Variants in AGTPBP1 observed in about 807,000 individuals in gnomAD.
AGTPBP1 encodes the protein cytosolic carboxypeptidase 1.
Under a neutral mutation model 143.9 loss-of-function variants are expected in AGTPBP1, and 70 were observed. That is an observed-to-expected ratio of 0.49 (90% CI 0.40 to 0.59). The LOEUF is 0.59. Ranked by LOEUF, AGTPBP1 falls within the 20% of genes least tolerant of loss-of-function variation. The pLI, the probability that AGTPBP1 is intolerant of heterozygous loss-of-function variation, is 0.00. For missense variants in AGTPBP1, 1,229 were observed against 1,464.5 expected (o/e 0.84, Z 2.62); for synonymous variants, 463 against 500.2 (o/e 0.93, Z 0.99).
intron 11 of AGTPBP1, among the ~76,000 whole-genome samples, chr9:85,646,700 T>A (rs1012449283): frequency 6.6e-6 from 1 of 152,214 alleles, no homozygotes; most frequent in Non-Finnish European, 1.5e-5. Flanking sequence ...GAATGAAACA[T>A]CCTGTTTTCT....
In AGTPBP1 at chr9:85,678,427, C is replaced by T. The variant is rs548481468; in HGVS notation, c.226-29G>A. ...AAATAAATAGTTTGTTTTATTAAAA[C>T]ATTGTAAACTTTTGATTCCCAGACT... On this transcript the variant is annotated intron_variant, in intron 4 of 25. Transcript: ENST00000357081. 1.7e-5 allele frequency: 25 copies of T among 1,451,080 alleles called. No homozygotes were observed. In the East Asian group the frequency reaches 5.9e-4, roughly 34 times the overall value. 89.9% of individuals were successfully genotyped at this position (1,451,080 alleles called of 1,614,324 possible).
chr9:85,589,285 G>C (rs550321859), intron 20 of AGTPBP1, among the ~76,000 whole-genome samples: 2 of 151,368 alleles, frequency 1.3e-5, no homozygotes, highest in African/African-American at 4.8e-5. Flanking sequence ...CTAAGGATAA[G>C]AACTAAACGA....
intron 22 of AGTPBP1, among the ~76,000 whole-genome samples, chr9:85,586,536 A>C (rs1828621701): frequency 6.6e-6 from 1 of 152,220 alleles, no homozygotes; most frequent in Non-Finnish European, 1.5e-5. Flanking sequence ...AGCTGACTAG[A>C]GAACTCAGAA....
the AGTPBP1 span, chr9:85,753,271 A>C: frequency 6.2e-7 from 1 of 1,611,640 alleles, no homozygotes; most frequent in Admixed American, 1.7e-5. Context: ...TCAGGTGTAA[A>C]AGCAATAAGG....
chr9:85,580,310 A>T (rs1828175870), intron 23 of AGTPBP1, among the ~76,000 whole-genome samples: 1 of 151,492 alleles, frequency 6.6e-6, no homozygotes, highest in Non-Finnish European at 1.5e-5. Context: ...GATGTGTAGT[A>T]ATTTGAAATT....
chr9:85,593,648 A>T (rs529919313), intron 18 of AGTPBP1, among the ~76,000 whole-genome samples: 1 of 152,332 alleles, frequency 6.6e-6, no homozygotes, highest in Non-Finnish European at 1.5e-5. Flanking sequence ...ACGGTATCCG[A>T]AAATGGACTT....
At chr9:85,623,509 C>G (rs550705504) in intron 14 of AGTPBP1, among the ~76,000 whole-genome samples, 1 of 152,026 alleles carries the variant, frequency 6.6e-6, no homozygotes. Flanking sequence ...AATCTCAGCA[C>G]TCTGGGAGGC....
chr9:85,577,273 T>C (rs866229605), intron 24 of AGTPBP1, among the ~76,000 whole-genome samples: 10 of 152,220 alleles, frequency 6.6e-5, no homozygotes, highest in Admixed American at 2.0e-4. Context: ...AGTGATGCTT[T>C]AAGTCACCTT....
chr9:85,726,584 C>T (rs1189333898), intron 1 of AGTPBP1, among the ~76,000 whole-genome samples: 1 of 152,194 alleles, frequency 6.6e-6, no homozygotes, highest in East Asian at 1.9e-4. Context: ...ACAAGTCCCT[C>T]TTTACAATGC....
At chr9:85,567,930 A>AT (rs1827212902) in intron 25 of AGTPBP1, among the ~76,000 whole-genome samples, 1 of 152,226 alleles carries the variant, frequency 6.6e-6, no homozygotes, top group African/African-American at 2.4e-5. Context: ...AAAAGTACCT[A>AT]TTAAGTGTCA....
intron 3 of AGTPBP1, among the ~76,000 whole-genome samples, chr9:85,681,568 G>A (rs557291619): frequency 5.9e-5 from 9 of 152,132 alleles, no homozygotes; most frequent in Non-Finnish European, 8.8e-5. Flanking sequence ...CATGAATTAG[G>A]TGATTCCTAT....
intron 23 of AGTPBP1, 105 bp downstream of exon 23, chr9:85,585,358 C>G: frequency 8.5e-7 from 1 of 1,172,474 alleles, no homozygotes; most frequent in Non-Finnish European, 1.1e-6. Flanking sequence ...ACAAAAATGG[C>G]AAAATGTCAA....
At chr9:85,801,876 C>T in the AGTPBP1 span, among the ~76,000 whole-genome samples, 351 of 152,336 alleles carry the variant, frequency 2.3e-3, 1 homozygote, top group African/African-American at 7.9e-3. Context: ...TCCAAAACTA[C>T]TCACTACTAC....
chr9:85,740,127 G>A (rs1824147395), intron 1 of AGTPBP1, among the ~76,000 whole-genome samples: 2 of 152,164 alleles, frequency 1.3e-5, no homozygotes, highest in Admixed American at 6.5e-5. Flanking sequence ...CTAAAGAGAA[G>A]AATGCCTCAA....
chr9:85,632,632 T>C (rs774730963), intron 14 of AGTPBP1, 30 bp downstream of exon 14: 17 of 1,530,222 alleles, frequency 1.1e-5, no homozygotes, highest in Admixed American at 4.1e-5. Flanking sequence ...AATAGCCTTA[T>C]TTAGAAGAGG....
chr9:85,629,612 T>C (rs1045825091), intron 14 of AGTPBP1, among the ~76,000 whole-genome samples: 1 of 152,228 alleles, frequency 6.6e-6, no homozygotes, highest in Non-Finnish European at 1.5e-5. Context: ...TCAATCTGCA[T>C]ACAGACATTC....
intron 1 of AGTPBP1, among the ~76,000 whole-genome samples, chr9:85,723,814 T>C (rs1838289271): frequency 6.6e-6 from 1 of 152,172 alleles, no homozygotes; most frequent in African/African-American, 2.4e-5. Flanking sequence ...TTGGTCATCT[T>C]GGAAGCCTCC....
At chr9:85,621,175 T>C (rs1830910633) in intron 15 of AGTPBP1, 27 bp downstream of exon 15, 1 of 1,300,868 alleles carries the variant, frequency 7.7e-7, no homozygotes, top group Non-Finnish European at 1.0e-6. Flanking sequence ...TTAAAACTAA[T>C]AAAAGTTCAT....
At chr9:85,761,820 C>T in the AGTPBP1 span, among the ~76,000 whole-genome samples, 6 of 152,112 alleles carry the variant, frequency 3.9e-5, no homozygotes, top group African/African-American at 1.2e-4. Context: ...AAGAAACTAC[C>T]GTCAGAGTGA....
Sources: gnomAD v4.1 joint callset for allele counts (sites outside exome capture counted in the v4.1 genomes callset) on GRCh38, gnomAD v4.1.1 for gene constraint, MANE v1.5 for transcripts, NCBI Gene and HGNC (gene_info 2026-07-23, HGNC 2026-07-21) for gene names.